The following BRD7 variants were observed in gnomAD, a reference collection of about 807,000 sequenced individuals.
BRD7 encodes the protein bromodomain containing 7, also known as bromodomain-containing protein 7.
Under a neutral mutation model 82.1 loss-of-function variants are expected in BRD7, and 15 were observed. The observed-to-expected ratio is 0.18, with a 90% confidence interval of 0.12 to 0.28. BRD7 has a LOEUF of 0.28. Ranked by LOEUF, BRD7 falls within the 10% of genes least tolerant of loss-of-function variation. The probability of loss-of-function intolerance (pLI) is 1.00; values close to 1 mark genes in which losing one functional copy is unlikely to be tolerated. For synonymous variants in BRD7, 232 were observed against 266.9 expected (o/e 0.87, Z 1.27); for missense variants, 638 against 779.9 (o/e 0.82, Z 2.17).
At chr16:50,319,818 G>A (rs965519680) in intron 16 of BRD7, 69 bp downstream of exon 16, 44 of 1,540,852 alleles carry the variant, frequency 2.9e-5, no homozygotes, top group South Asian at 5.0e-5. Flanking sequence ...TACCAATCTC[G>A]GGCAGACACT....
At chr16:50,356,314 T>C (rs1198056472) in intron 2 of BRD7, among the ~76,000 whole-genome samples, 1 of 152,214 alleles carries the variant, frequency 6.6e-6, no homozygotes, top group East Asian at 1.9e-4. Context: ...AAATTTCCTG[T>C]CGTATGGTCT....
intron 2 of BRD7, among the ~76,000 whole-genome samples, chr16:50,356,675 G>T (rs1452849529): frequency 4.0e-5 from 6 of 151,310 alleles, no homozygotes; most frequent in African/African-American, 1.5e-4. Context: ...CTCTGAAAGG[G>T]TATAAGGGAT....
intron 5 of BRD7, among the ~76,000 whole-genome samples, chr16:50,346,910 T>C (rs2038307236): frequency 1.3e-5 from 2 of 152,222 alleles, no homozygotes; most frequent in South Asian, 4.1e-4. Flanking sequence ...ACTCATTTTA[T>C]GAGGCCAGCA....
At chr16:50,328,834 T>C (rs2037445767) in intron 8 of BRD7, 90 bp from the exon 9 acceptor site, 1 of 1,172,814 alleles carries the variant, frequency 8.5e-7, no homozygotes, top group Admixed American at 2.3e-5. Context: ...TACCAGAGTG[T>C]TGTGGATTGC....
intron 5 of BRD7, among the ~76,000 whole-genome samples, chr16:50,345,164 A>C (rs555639457): frequency 1.2e-4 from 19 of 152,310 alleles, no homozygotes; most frequent in African/African-American, 4.1e-4. Context: ...TATCCAGCCA[A>C]ACTAAGCTTC....
chr16:50,320,890 T>G (rs1390563585), intron 13 of BRD7, 116 bp from the exon 14 acceptor site: 18 of 716,390 alleles, frequency 2.5e-5, no homozygotes, highest in Non-Finnish European at 4.4e-5. Flanking sequence ...CTATTTACTA[T>G]GGAGTCCTAA....
chr16:50,365,307 A>C (rs2039097884), intron 2 of BRD7, among the ~76,000 whole-genome samples: 1 of 152,246 alleles, frequency 6.6e-6, no homozygotes, highest in Non-Finnish European at 1.5e-5. Context: ...GAGAAACTAA[A>C]AATCCCAGAG....
chr16:50,342,052 TTCTAAAGAGCTAAGA>T (rs2038086169), intron 5 of BRD7, among the ~76,000 whole-genome samples: 1 of 151,788 alleles, frequency 6.6e-6, no homozygotes, highest in African/African-American at 2.4e-5. Flanking sequence ...AACGTAGAAA[TTCTAAAGAGCTAAGA>T]TACCAATTCC....
At chr16:50,362,784 G>A (rs545823861) in intron 2 of BRD7, among the ~76,000 whole-genome samples, 6 of 152,238 alleles carry the variant, frequency 3.9e-5, no homozygotes, top group African/African-American at 9.6e-5. Context: ...GGTCTGAGGA[G>A]AGGGAGAAAG....
intron 12 of BRD7, 111 bp from the exon 13 acceptor site, chr16:50,322,149 G>T: frequency 2.5e-6 from 2 of 790,852 alleles, no homozygotes; most frequent in African/African-American, 1.8e-5. Context: ...TACAAATATG[G>T]ACTACTGGAA....
chr16:50,341,928 T>TCACACACACACACACACACACA (rs375793137), intron 5 of BRD7, among the ~76,000 whole-genome samples: 2 of 143,552 alleles, frequency 1.4e-5, no homozygotes, highest in Non-Finnish European at 3.0e-5. Context: ...TGCACACTTT[T>TCACACACACACACACACACACA]CACACACACA....
intron 5 of BRD7, among the ~76,000 whole-genome samples, chr16:50,348,355 G>A (rs1226787722): frequency 1.3e-5 from 2 of 152,120 alleles, no homozygotes; most frequent in African/African-American, 4.8e-5. Flanking sequence ...GCATGGGCAA[G>A]GACTTCATGA....
chr16:50,368,641 G>A, intron 1 of BRD7, 85 bp downstream of exon 1: 1 of 1,418,270 alleles, frequency 7.1e-7, no homozygotes, highest in Non-Finnish European at 9.5e-7. Flanking sequence ...GAAGGGCCCC[G>A]GGCCGCCCCG....
intron 16 of BRD7, 93 bp from the exon 17 acceptor site, chr16:50,319,359 C>G: frequency 1.7e-6 from 2 of 1,185,874 alleles, no homozygotes; most frequent in South Asian, 2.7e-5. Context: ...AGAAGCATAA[C>G]TGCTGAGAGC....
intron 2 of BRD7, among the ~76,000 whole-genome samples, 169 bp from the exon 3 acceptor site, chr16:50,355,091 C>T (rs530321335): frequency 6.6e-6 from 1 of 151,870 alleles, no homozygotes; most frequent in East Asian, 1.9e-4. Context: ...AATACGTTCA[C>T]GAAGGAAAAA....
chr16:50,366,385 A>G (rs2039144709), intron 2 of BRD7, among the ~76,000 whole-genome samples: 2 of 152,360 alleles, frequency 1.3e-5, no homozygotes, highest in African/African-American at 2.4e-5. Flanking sequence ...ATGTCTCCAG[A>G]GGAAAATAAA....
At chr16:50,357,920 C>T (rs909840331) in intron 2 of BRD7, among the ~76,000 whole-genome samples, 1 of 152,000 alleles carries the variant, frequency 6.6e-6, no homozygotes, top group African/African-American at 2.4e-5. Flanking sequence ...GTAGAGGTTG[C>T]AGTGAGCCAA....
intron 2 of BRD7, among the ~76,000 whole-genome samples, chr16:50,364,069 G>GAA (rs752041952): frequency 3.2e-5 from 4 of 125,870 alleles, no homozygotes; most frequent in African/African-American, 8.7e-5. Flanking sequence ...TCTCAAAAAG[G>GAA]AAAAAAAAAA....
rs116422109 is a variant in BRD7, at chr16:50,350,077, A to G, written c.537T>C (p.Ser179=). ...SMIIKHPMDF[S]TMKEKIKNND... ...TGTTCTTGATCTTTTCTTTCATGGTACTAAAATCCATTGGGTGTTTAATGA... is the reference window on the plus strand; with the variant it reads ...TGTTCTTGATCTTTTCTTTCATGGTGCTAAAATCCATTGGGTGTTTAATGA... The change falls in exon 5 of 17, where the codon AGT becomes AGC. Residue 179 remains serine, a synonymous_variant. Coordinates refer to ENST00000394688, the MANE Select transcript of BRD7 (RefSeq NM_013263.5). The G allele has an allele frequency of 1.5e-4, 235 of 1,605,248 alleles. No individual in the cohort carries two copies. The East Asian group carries it at 4.1e-3, about 28-fold the overall frequency.
Sources: gnomAD v4.1 joint callset for allele counts (sites outside exome capture counted in the v4.1 genomes callset) on GRCh38, gnomAD v4.1.1 for gene constraint, MANE v1.5 for transcripts, NCBI Gene and HGNC (gene_info 2026-07-23, HGNC 2026-07-21) for gene names.